TTN: variants seen among roughly 807,000 people sequenced by gnomAD.
TTN encodes the protein titin.
A neutral mutation model predicts 3,223.0 loss-of-function variants in TTN; 1,525 were observed. That is an observed-to-expected ratio of 0.47 (90% CI 0.45 to 0.49). The LOEUF (loss-of-function observed/expected upper bound fraction) is 0.49, where lower values mean the gene tolerates loss of function less well. Among genes scored for constraint, TTN ranks in the 20% least tolerant of loss-of-function variants. The probability of loss-of-function intolerance (pLI) is 0.00; values close to 1 mark genes in which losing one functional copy is unlikely to be tolerated. For synonymous variants in TTN, 14,094 were observed against 15,161.0 expected (o/e 0.93, Z 5.17); for missense variants, 40,786 against 43,424.0 (o/e 0.94, Z 5.40).
chr2:178,587,271 A>G lies in TTN; in HGVS notation c.63940T>C (p.Ser21314Pro). 6.2e-6 allele frequency: 10 copies of G among 1,613,142 alleles called. No individual in the cohort carries two copies. Among genetic ancestry groups the G allele is most frequent in the Non-Finnish European group, 7.6e-6 (9 of 1,179,486 alleles). The change falls in exon 307 of 363, where the codon TCG becomes CCG. Residue 21314 changes from serine to proline, a missense_variant. Coordinates refer to ENST00000589042, the MANE Select transcript of TTN (RefSeq NM_001267550.2). Reference protein sequence around the residue: ...EKREADRKTWSTVTPEVKKTS... With the variant: ...EKREADRKTWPTVTPEVKKTS... The stretch of plus-strand genomic sequence containing the variant: ...TTCTTAACTTCTGGGGTAACGGTCG[A>G]CCATGTCTTTCTGTCTGCCTCACGT...
Position 178,712,856 on chromosome 2 carries a change from T to G in TTN, c.27169A>C (p.Ser9057Arg), listed in dbSNP as rs1472858886. Residue 9057 changes from serine to arginine, a missense_variant, in exon 94 of 363, where the codon AGT becomes CGT. Coordinates refer to ENST00000589042, the MANE Select transcript of TTN (RefSeq NM_001267550.2). ...PFSVSWFKGSSELVPGDRCNV... is the reference protein window; with the variant it reads ...PFSVSWFKGSRELVPGDRCNV... ...CATCTGTCACCTGGTACTAGTTCAC[T>G]GCTACCTTTGAACCAGCTAACACTG... The G allele has an allele frequency of 1.9e-6, 3 of 1,613,682 alleles. No individual in the cohort carries two copies. The highest frequency in any genetic ancestry group is 1.3e-5 in the African/African-American group (1 of 74,928).
chr2:178,555,061 G>A lies in TTN; in HGVS notation c.88398C>T (p.Gly29466=), dbSNP rs776559329. The change falls in exon 331 of 363, where the codon GGC becomes GGT. Residue 29466 remains glycine (G), a synonymous_variant. Transcript: ENST00000589042. ...TSVKLRAGIS[G]KPAPTIEWYK... ...ACCACTCAATAGTAGGCGCAGGTTT[G>A]CCAGAAATGCCAGCTCTGAGCTTCA... is the stretch of plus-strand genomic sequence containing the variant. 6.2e-7 allele frequency: 1 copy of A among 1,613,760 alleles called. No homozygotes were observed. The highest frequency in any genetic ancestry group is 1.3e-5 in the African/African-American group (1 of 75,020).
chr2:178,651,005 G>A (rs1194201910), intron 208 of TTN, among the ~76,000 whole-genome samples, 171 bp from the exon 209 acceptor site: 1 of 152,090 alleles, frequency 6.6e-6, no homozygotes, highest in Non-Finnish European at 1.5e-5. Flanking sequence ...AGGAAAATAT[G>A]GCCTATTAAG....
chr2:178,732,764 G>A (rs2080780735), intron 55 of TTN, 46 bp from the exon 56 acceptor site: 1 of 1,562,166 alleles, frequency 6.4e-7, no homozygotes, highest in African/African-American at 1.4e-5. Context: ...TAAGAGGGTT[G>A]ATCTAAGGGA....
At position 178,563,582 on chromosome 2, in the gene TTN, G is replaced by T; in HGVS notation, c.82550C>A (p.Thr27517Asn). 4 of 1,613,756 alleles carry T rather than the reference G, an allele frequency of 2.5e-6. No individual in the cohort carries two copies. Among genetic ancestry groups the T allele is most frequent in the Non-Finnish European group, 3.4e-6 (4 of 1,179,770 alleles). The change falls in exon 326 of 363, where the codon ACC becomes AAC. Residue 27517 changes from threonine to asparagine, a missense_variant. Coordinates refer to ENST00000589042, the MANE Select transcript of TTN (RefSeq NM_001267550.2). This position sits in a 1 kb window ranked among gnomAD's most constrained non-coding sequence, Gnocchi z 4.5. ...EKRDKEGVRW[T>N]KCNKKTLTDL... ...CGTTAATGTTTTCTTGTTGCACTTG[G>T]TCCATCTAACGCCTTCCTTATCTCG... is the stretch of plus-strand genomic sequence containing the variant.
Position 178,534,959 on chromosome 2 carries a change from C to G in TTN, c.101656G>C (p.Glu33886Gln). 2 of 1,612,918 alleles carry G rather than the reference C, an allele frequency of 1.2e-6. No individual in the cohort carries two copies. The highest frequency in any genetic ancestry group is 1.7e-6 in the Non-Finnish European group (2 of 1,179,694). Reference sequence around the variant, plus strand: ...AACTCAAAGATCATAACTAATTCTTCCATGCTTTCAAATGATTCATGGAGG... The same window carrying G: ...AACTCAAAGATCATAACTAATTCTTGCATGCTTTCAAATGATTCATGGAGG... ...LHLHESFESM[E>Q]ELVMIFEFIS... Residue 33886 changes from glutamate (E) to glutamine (Q), a missense_variant, in exon 358 of 363, where the codon GAA (glutamate) becomes CAA (glutamine). By Grantham distance (29) the Glu-to-Gln change is conservative. Coordinates refer to ENST00000589042, the MANE Select transcript of TTN (RefSeq NM_001267550.2).
Position 178,741,740 on chromosome 2 carries a change from T to C in TTN, c.11493A>G (p.Ile3831Met), listed in dbSNP as rs1183777377. Residue 3831 changes from isoleucine to methionine, a missense_variant, in exon 48 of 363, where the codon ATA becomes ATG. Coordinates refer to ENST00000589042, the MANE Select transcript of TTN (RefSeq NM_001267550.2). ...IFIKEVSNAD[I>M]SMGDVATLSV... The stretch of plus-strand genomic sequence containing the variant: ...ACAGTGTAGCCACATCCCCCATGCT[T>C]ATATCAGCATTTGACACTTCTTTGA... The C allele has an allele frequency of 3.1e-6, 5 of 1,613,564 alleles. No homozygotes were observed. Among genetic ancestry groups the C allele is most frequent in the Admixed American group, 1.7e-5 (1 of 59,960 alleles).
Position 178,714,579 on chromosome 2 carries a change from G to T in TTN, c.26201-6C>A. On this transcript the variant is annotated splice_polypyrimidine_tract_variant and splice_region_variant and intron_variant, in intron 90 of 362. Transcript: ENST00000589042. ...CTTCACAAATCTTGGTGGTGCTGATGAAAAAGGAGGAAAGCCTGGGTTTTA... is the reference window on the plus strand; with the variant it reads ...CTTCACAAATCTTGGTGGTGCTGATTAAAAAGGAGGAAAGCCTGGGTTTTA... The T allele has an allele frequency of 1.3e-6, 2 of 1,578,598 alleles. No homozygotes were observed. The highest frequency in any genetic ancestry group is 2.3e-5 in the South Asian group (2 of 85,396).
At position 178,735,601 on chromosome 2, in the gene TTN, A is replaced by G; in HGVS notation, c.14845T>C (p.Leu4949=). 3 of 1,613,526 alleles carry G rather than the reference A, an allele frequency of 1.9e-6. No homozygotes were observed. In the South Asian group the frequency reaches 3.3e-5, roughly 18 times the overall value. Residue 4949 remains leucine (L), a synonymous_variant, in exon 50 of 363, where the codon TTG becomes CTG. Transcript: ENST00000589042. ...GTTCCTGAATCTTTCAGTTTGGCCA[A>G]AGGAATCTCAAGTGTTGCTATTTTA... ...EDKIATLEIP[L]AKLKDSGTYV...
intron 127 of TTN, among the ~76,000 whole-genome samples, chr2:178,685,888 G>C (rs1297446130): frequency 1.3e-5 from 2 of 152,100 alleles, no homozygotes; most frequent in African/African-American, 4.8e-5. Context: ...GACAAGAAAC[G>C]ATTATAATAG....
At chr2:178,583,531 T>G in intron 312 of TTN, 76 bp downstream of exon 312, 1 of 1,385,516 alleles carries the variant, frequency 7.2e-7, no homozygotes, top group Non-Finnish European at 9.5e-7. Context: ...TAGGTGTATA[T>G]TTAGTTTTTT....
In TTN at chr2:178,717,511, T is replaced by C; in HGVS notation, c.25351+12A>G. On this transcript the variant is annotated intron_variant, in intron 87 of 362. Transcript: ENST00000589042. Reference sequence around the variant, plus strand: ...CTGCTTTACAATGAAGAGGGTACTGTGAGTTACTCACCTGAGAGAATGAGC... The same window carrying C: ...CTGCTTTACAATGAAGAGGGTACTGCGAGTTACTCACCTGAGAGAATGAGC... 6.3e-7 allele frequency: 1 copy of C among 1,588,930 alleles called. No individual in the cohort carries two copies. Among genetic ancestry groups the C allele is most frequent in the Non-Finnish European group, 8.6e-7 (1 of 1,167,366 alleles).
At chr2:178,669,566 A>G (rs1163998880) in intron 158 of TTN, 26 bp downstream of exon 158, 3 of 1,610,434 alleles carry the variant, frequency 1.9e-6, no homozygotes, top group African/African-American at 1.3e-5. Flanking sequence ...GAATTATTTC[A>G]TGTTCTGATT....
Position 178,605,630 on chromosome 2 carries a change from T to G in TTN, c.53665A>C (p.Asn17889His). ...ITLDWKEPRS[N>H]GGSPIQGYII... ...TATCCTTGGATGGGACTGCCACCAT[T>G]ACTGCGGGGCTCTTTCCAGTCAAGT... Residue 17889 changes from asparagine to histidine, a missense_variant, in exon 279 of 363, where the codon AAT (asparagine) becomes CAT (histidine). Asn to His is a moderately conservative substitution (Grantham distance 68). Coordinates refer to ENST00000589042, the MANE Select transcript of TTN (RefSeq NM_001267550.2). 6.2e-7 allele frequency: 1 copy of G among 1,611,956 alleles called. No homozygotes were observed. Among genetic ancestry groups the G allele is most frequent in the Non-Finnish European group, 8.5e-7 (1 of 1,178,702 alleles).
chr2:178,651,440 C>T lies in TTN; in HGVS notation c.39547+13G>A, dbSNP rs2062937423. ...CCATCCGCCCCCATCAAACAGTGGA[C>T]AGCCACATATACCTTTAGCAGGTGG... On this transcript the variant is annotated intron_variant, in intron 207 of 362. Coordinates refer to ENST00000589042, the MANE Select transcript of TTN (RefSeq NM_001267550.2). 6.2e-7 allele frequency: 1 copy of T among 1,605,860 alleles called. No individual in the cohort carries two copies. The highest frequency in any genetic ancestry group is 8.5e-7 in the Non-Finnish European group (1 of 1,177,218).
At chr2:178,800,256 G>A in intron 4 of TTN, 139 bp downstream of exon 4, 2 of 1,107,550 alleles carry the variant, frequency 1.8e-6, no homozygotes, top group Admixed American at 2.2e-5. Context: ...ACTTTTCATG[G>A]GTGTCGAAAA....
chr2:178,680,669 G>A lies in TTN; in HGVS notation c.33341-338C>T, dbSNP rs151075150. Among the ~76,000 whole-genome samples the A allele has an allele frequency of 8.7e-4, 132 of 151,896 alleles. 3 individuals carry two copies. In the East Asian group the frequency reaches 0.019, roughly 22 times the overall value. On this transcript the variant is annotated intron_variant, in intron 138 of 362. Coordinates refer to ENST00000589042, the MANE Select transcript of TTN (RefSeq NM_001267550.2). ...TACTTCATACTTAGTATGAATCAGG[G>A]GGAAAATGACTGGAAACTGGTTAGC...
Position 178,527,089 on chromosome 2 carries a change from C to T in TTN, c.107899G>A (p.Gly35967Arg). 2.5e-6 allele frequency: 4 copies of T among 1,613,870 alleles called. No individual in the cohort carries two copies. The highest frequency in any genetic ancestry group is 3.4e-6 in the Non-Finnish European group (4 of 1,179,858). Residue 35967 changes from glycine to arginine, a missense_variant, in exon 363 of 363, where the codon GGA becomes AGA. Transcript: ENST00000589042. ...TTCCCTAAACTCAGGGTATAAAGTC[C>T]ACCATCTTGTTTCTGTACGTCCATG... ...IIMDVQKQDG[G>R]LYTLSLGNEF... is the part of the protein sequence containing the mutation.
chr2:178,725,855 C>T lies in TTN; in HGVS notation c.20467G>A (p.Val6823Met). The T allele has an allele frequency of 6.2e-7, 1 of 1,613,338 alleles. No individual in the cohort carries two copies. The highest frequency in any genetic ancestry group is 8.5e-7 in the Non-Finnish European group (1 of 1,179,508). ...NFHTSIHILN[V>M]DTSDIGEYHC... ...TATTCACCGATGTCTGAAGTGTCCA[C>T]ATTGAGAATGTGAATACTTGTGTGG... is the stretch of plus-strand genomic sequence containing the variant. The change falls in exon 70 of 363, where the codon GTG becomes ATG. Residue 6823 changes from valine (V) to methionine (M), a missense_variant. Coordinates refer to ENST00000589042, the MANE Select transcript of TTN (RefSeq NM_001267550.2).
Sources: allele counts gnomAD v4.1 joint callset (sites outside exome capture counted in the v4.1 genomes callset), GRCh38; gene constraint gnomAD v4.1.1; non-coding constraint Gnocchi (gnomAD v3.1); transcripts MANE v1.5; gene names NCBI Gene and HGNC (gene_info 2026-07-23, HGNC 2026-07-21).